TRIM9: variants seen among roughly 807,000 people sequenced by gnomAD.
TRIM9 encodes the protein E3 ubiquitin-protein ligase TRIM9.
TRIM9 carries 26 observed loss-of-function variants against 78.3 expected under a neutral mutation model. That is an observed-to-expected ratio of 0.33 (90% CI 0.24 to 0.46). TRIM9 has a LOEUF of 0.46. Among genes scored for constraint, TRIM9 ranks in the 20% least tolerant of loss-of-function variants. The probability of loss-of-function intolerance (pLI) is 1.00; values close to 1 mark genes in which losing one functional copy is unlikely to be tolerated. For missense variants in TRIM9, 787 were observed against 1,036.4 expected (o/e 0.76, Z 3.30); for synonymous variants, 398 against 416.5 (o/e 0.96, Z 0.54).
At chr14:51,055,551 C>T (rs893468370) in intron 1 of TRIM9, among the ~76,000 whole-genome samples, 6 of 152,152 alleles carry the variant, frequency 3.9e-5, no homozygotes, top group Admixed American at 6.5e-5. Flanking sequence ...GATGTGACTA[C>T]GGATGAATGG....
intron 7 of TRIM9, 56 bp from the exon 8 acceptor site, chr14:50,986,200 GCACGGTTCCCCAA>G: frequency 7.3e-7 from 1 of 1,362,308 alleles, no homozygotes; most frequent in South Asian, 1.9e-5. Flanking sequence ...ATGTCCCCGT[GCACGGTTCCCCAA>G]GACCTGCCTT....
chr14:51,016,280 G>A (rs887588081), intron 3 of TRIM9, among the ~76,000 whole-genome samples: 8 of 152,090 alleles, frequency 5.3e-5, no homozygotes, highest in East Asian at 1.9e-4. Context: ...GTTAGAAACC[G>A]GGCTGCACAG....
intron 5 of TRIM9, among the ~76,000 whole-genome samples, chr14:51,002,125 G>T (rs78242576): frequency 0.021 from 2,705 of 129,676 alleles, 41 homozygotes; most frequent in Non-Finnish European, 0.034. Context: ...GTGTGTGTGT[G>T]TTTTTCTTTT....
chr14:50,987,205 G>C (rs559612973), intron 7 of TRIM9, among the ~76,000 whole-genome samples: 2 of 152,296 alleles, frequency 1.3e-5, no homozygotes, highest in South Asian at 4.1e-4. Context: ...TGACCAGAGG[G>C]TATTTCCGTG....
At chr14:50,997,503 A>C (rs1566559024) in intron 7 of TRIM9, 1 of 985,736 alleles carries the variant, frequency 1.0e-6, no homozygotes, top group Non-Finnish European at 1.2e-6. Context: ...TATGAAACGG[A>C]GGCAGTCTAA....
intron 1 of TRIM9, among the ~76,000 whole-genome samples, chr14:51,063,808 A>G (rs1172686731): frequency 6.6e-6 from 1 of 152,200 alleles, no homozygotes; most frequent in Non-Finnish European, 1.5e-5. Context: ...ATTTGTTTCC[A>G]GGAGATTTAT....
chr14:51,049,255 G>A (rs370163214), intron 1 of TRIM9, among the ~76,000 whole-genome samples: 54 of 152,180 alleles, frequency 3.5e-4, no homozygotes, highest in African/African-American at 1.3e-3. Flanking sequence ...TAGTAGAGAC[G>A]GGGTTTCGCC....
chr14:51,038,393 C>T (rs1330745204), intron 1 of TRIM9, among the ~76,000 whole-genome samples: 1 of 152,152 alleles, frequency 6.6e-6, no homozygotes, highest in Non-Finnish European at 1.5e-5. Flanking sequence ...TGTTTCATGG[C>T]AGCAATAGAA....
At position 51,026,976 on chromosome 14, in the gene TRIM9, T is replaced by G. The variant is rs557120323; in HGVS notation, c.823-1616A>C. ...CTGCCAGTTACTGGCTGTTCAACCC[T>G]TTATACATTGTTTTACCTCATCCAT... On this transcript the variant is annotated intron_variant, in intron 1 of 12. Transcript: ENST00000684578. Among the ~76,000 whole-genome samples, 8 of 152,280 alleles carry G rather than the reference T, an allele frequency of 5.3e-5. No individual in the cohort carries two copies. The South Asian group carries it at 1.7e-3, about 32-fold the overall frequency.
intron 6 of TRIM9, 148 bp from the exon 7 acceptor site, chr14:50,998,336 A>T: frequency 1.4e-6 from 1 of 704,014 alleles, no homozygotes; most frequent in Admixed American, 2.8e-5. Context: ...CATTTAATTT[A>T]CCTTTTTAGC....
chr14:51,093,630 C>T (rs763336490), intron 1 of TRIM9, among the ~76,000 whole-genome samples: 37 of 152,364 alleles, frequency 2.4e-4, no homozygotes, highest in Middle Eastern at 3.4e-3. Context: ...GACCCTCCGC[C>T]GTGCCTCACC....
At chr14:51,055,562 T>C (rs1596281554) in intron 1 of TRIM9, among the ~76,000 whole-genome samples, 1 of 151,976 alleles carries the variant, frequency 6.6e-6, no homozygotes, top group Admixed American at 6.6e-5. Context: ...GGATGAATGG[T>C]TAGAGAGAAA....
intron 6 of TRIM9, among the ~76,000 whole-genome samples, chr14:50,999,924 G>A (rs1024905939): frequency 2.6e-5 from 4 of 152,182 alleles, no homozygotes; most frequent in African/African-American, 4.8e-5. Flanking sequence ...TACCACAGCT[G>A]TGTCTTACCA....
At chr14:51,087,087 C>T (rs967142545) in intron 1 of TRIM9, among the ~76,000 whole-genome samples, 3 of 152,008 alleles carry the variant, frequency 2.0e-5, no homozygotes, top group Admixed American at 6.5e-5. Context: ...ATCAGGTTCC[C>T]GGTTGGCAGG....
intron 1 of TRIM9, among the ~76,000 whole-genome samples, chr14:51,073,127 G>A (rs1318748346): frequency 2.0e-5 from 3 of 152,108 alleles, no homozygotes; most frequent in Non-Finnish European, 4.4e-5. Flanking sequence ...TGATACCACT[G>A]TACACCCACC....
chr14:51,024,512 A>G (rs978690167), intron 2 of TRIM9, among the ~76,000 whole-genome samples: 1 of 152,234 alleles, frequency 6.6e-6, no homozygotes, highest in Admixed American at 6.5e-5. Flanking sequence ...TATTTCTGTG[A>G]GGCAAACCTC....
chr14:51,083,730 G>A (rs1256433385), intron 1 of TRIM9, among the ~76,000 whole-genome samples: 1 of 152,194 alleles, frequency 6.6e-6, no homozygotes, highest in African/African-American at 2.4e-5. Context: ...ATATCCAAGT[G>A]GAGATGCCAG....
At position 51,095,050 on chromosome 14, in the gene TRIM9, G is replaced by A. The variant is rs2064808605; in HGVS notation, c.-111C>T. 9.3e-6 allele frequency: 7 copies of A among 754,652 alleles called. No individual in the cohort carries two copies. The South Asian group carries it at 3.1e-4, about 33-fold the overall frequency. The allele number at this position is 754,652 out of a possible 1,614,324, so 46.7% of individuals were successfully genotyped here. On this transcript the variant is annotated 5_prime_UTR_variant, in exon 1 of 13. Coordinates refer to ENST00000684578, the MANE Select transcript of TRIM9 (RefSeq NM_001387360.1). ...CCTGGCCAGCGGCGGCGGCTGTGGT[G>A]GTGGTGCCTTCCCGCGCAGCACTGG...
At chr14:51,045,152 A>C (rs1050729764) in intron 1 of TRIM9, among the ~76,000 whole-genome samples, 8 of 152,220 alleles carry the variant, frequency 5.3e-5, no homozygotes, top group African/African-American at 1.9e-4. Flanking sequence ...CCAGCTGCTC[A>C]GCTGGTGAGC....
Sources: gnomAD v4.1 joint callset for allele counts (sites outside exome capture counted in the v4.1 genomes callset) on GRCh38, gnomAD v4.1.1 for gene constraint, MANE v1.5 for transcripts, NCBI Gene and HGNC (gene_info 2026-07-23, HGNC 2026-07-21) for gene names.